LMO2: variants seen among roughly 807,000 people sequenced by gnomAD.
LMO2 encodes LIM domain only 2.
A neutral mutation model predicts 23.2 loss-of-function variants in LMO2; 20 were observed. The observed-to-expected ratio is 0.86, with a 90% CI of 0.61 to 1.25. LMO2 has a LOEUF of 1.25. Among genes scored for constraint, LMO2 ranks in the 50% most tolerant of loss-of-function variants. The probability of loss-of-function intolerance (pLI) is 0.00; values close to 1 mark genes in which losing one functional copy is unlikely to be tolerated. For synonymous variants in LMO2, 123 were observed against 130.2 expected, an observed-to-expected ratio of 0.94 and a Z score of 0.38; for missense variants, 270 against 315.3, an observed-to-expected ratio of 0.86 and a Z score of 1.09.
At chr11:33,890,590 G>T in intron 1 of LMO2, among the ~76,000 whole-genome samples, 1 of 152,172 alleles carries the variant, frequency 6.6e-6, no homozygotes, top group African/African-American at 2.4e-5. Context: ...GACCTCAGGC[G>T]ATCTGCCTGC....
chr11:33,888,957 A>C (rs1262398051), intron 1 of LMO2, among the ~76,000 whole-genome samples: 1 of 152,248 alleles, frequency 6.6e-6, no homozygotes, highest in Non-Finnish European at 1.5e-5. Flanking sequence ...CAGGCAGGAC[A>C]GCTAGTAGTC....
rs1283132509 is a variant in LMO2, at chr11:33,869,756, G to A, written c.-40C>T. On this transcript the variant is annotated 5_prime_UTR_variant, in exon 3 of 6. Transcript: ENST00000257818. ...CGCCACCGCCCGGTCCCTCTCGCGC[G>A]CTGTCGCCGGCTCCGCGCCGCCCGC... is the stretch of plus-strand genomic sequence containing the variant. 3.3e-6 allele frequency: 4 copies of A among 1,216,724 alleles called. No individual in the cohort carries two copies. The highest frequency in any genetic ancestry group is 2.8e-5 in the South Asian group (1 of 35,530). The allele number at this position is 1,216,724 out of a possible 1,614,324, so 75.4% of individuals were successfully genotyped here. A position where few individuals can be genotyped will look rare whatever the true frequency, so the allele number is the denominator to read the frequency against.
Position 33,864,452 on chromosome 11 carries a change from G to T in LMO2, c.464+150C>A. 1 of 625,574 alleles carries T rather than the reference G, an allele frequency of 1.6e-6. No homozygotes were observed. Among genetic ancestry groups the T allele is most frequent in the Non-Finnish European group, 2.8e-6 (1 of 358,792 alleles). The allele number at this position is 625,574 out of a possible 1,614,324, so 38.8% of individuals were successfully genotyped here. ...AAATGCCCTCTGCTTCTCAGCACAG[G>T]AGCTGAGACTCAGCCTCTGCAGTCT... On this transcript the variant is annotated intron_variant, in intron 5 of 5. Coordinates refer to ENST00000257818, the MANE Select transcript of LMO2 (RefSeq NM_005574.4). This position sits in a 1 kb window ranked among gnomAD's most constrained non-coding sequence, Gnocchi z 4.8.
chr11:33,874,965 T>TC (rs1857102069), intron 2 of LMO2, among the ~76,000 whole-genome samples: 1 of 152,228 alleles, frequency 6.6e-6, no homozygotes, highest in East Asian at 1.9e-4. Flanking sequence ...TCATAGTGTG[T>TC]CCTAGTGGAA....
At chr11:33,870,976 G>A (rs1033108836) in intron 2 of LMO2, 2 of 770,950 alleles carry the variant, frequency 2.6e-6, no homozygotes, top group African/African-American at 3.8e-5. Context: ...AAATATCTGC[G>A]TTCAGAAGCT....
chr11:33,871,718 G>A (rs1215564375), intron 2 of LMO2, among the ~76,000 whole-genome samples: 2 of 151,394 alleles, frequency 1.3e-5, no homozygotes, highest in African/African-American at 2.4e-5. Context: ...TAACAGAAAT[G>A]AAAATAAATA....
intron 2 of LMO2, among the ~76,000 whole-genome samples, chr11:33,872,602 C>G (rs1279355497): frequency 6.6e-6 from 1 of 152,160 alleles, no homozygotes; most frequent in African/African-American, 2.4e-5. Flanking sequence ...ATTGCCCACC[C>G]AAATTTGGAA....
chr11:33,877,525 C>T (rs1048206099), intron 2 of LMO2, among the ~76,000 whole-genome samples: 2 of 131,240 alleles, frequency 1.5e-5, no homozygotes. Context: ...AGTGCGGTGG[C>T]GTGATCTCAG....
chr11:33,869,718 C>T lies in LMO2; in HGVS notation c.-2G>A. On this transcript the variant is annotated 5_prime_UTR_variant, in exon 3 of 6. Transcript: ENST00000257818. ...GCTGCTCAGGACTTAACCTTCCATC[C>T]CGGTCCCGCCGCCGCCACCGCCCGG... is the stretch of plus-strand genomic sequence containing the variant. 7.7e-7 allele frequency: 1 copy of T among 1,290,524 alleles called. No individual in the cohort carries two copies. Among genetic ancestry groups the T allele is most frequent in the Non-Finnish European group, 1.0e-6 (1 of 999,994 alleles). 79.9% of individuals were successfully genotyped at this position (1,290,524 alleles called of 1,614,324 possible).
Position 33,864,409 on chromosome 11 carries a change from T to G in LMO2, c.464+193A>C, listed in dbSNP as rs536668554. ...ACATAGGAACGTAACCCTGAGAACATGCTTCTCAAACAGGAAGAAATGCCC... is the reference window on the plus strand; with the variant it reads ...ACATAGGAACGTAACCCTGAGAACAGGCTTCTCAAACAGGAAGAAATGCCC... On this transcript the variant is annotated intron_variant, in intron 5 of 5. Coordinates refer to ENST00000257818, the MANE Select transcript of LMO2 (RefSeq NM_005574.4). The surrounding 1 kb of genome is among the most constrained non-coding windows in gnomAD (Gnocchi z 4.8). 6.6e-6 allele frequency among the ~76,000 whole-genome samples: 1 copy of G among 152,190 alleles called. No homozygotes were observed. Among genetic ancestry groups the G allele is most frequent in the African/African-American group, 2.4e-5 (1 of 41,454 alleles).
intron 2 of LMO2, among the ~76,000 whole-genome samples, chr11:33,875,883 G>A (rs909284762): frequency 6.6e-6 from 1 of 152,186 alleles, no homozygotes; most frequent in East Asian, 1.9e-4. Context: ...CAGTGCCTGG[G>A]ACCCCGGCAC....
rs1388562263 is a variant in LMO2, at chr11:33,880,276, G to GAT, written c.-272+1546_-272+1547dup. On this transcript the variant is annotated intron_variant, in intron 2 of 5. Transcript: ENST00000257818. The surrounding 1 kb of genome is among the most constrained non-coding windows in gnomAD (Gnocchi z 4.3). Reference sequence around the variant, plus strand: ...TGATATATATATCATACATACACATGATATATATCATATATATCATATATA... The same window carrying GAT: ...TGATATATATATCATACATACACATGATATATATATCATATATATCATATATA... Among the ~76,000 whole-genome samples, 4,475 of 111,168 alleles carry GAT rather than the reference G, an allele frequency of 0.04. 590 individuals are homozygous for GAT. Among genetic ancestry groups the GAT allele is most frequent in the East Asian group, 0.13 (445 of 3,340 alleles). The allele number at this position is 111,168 out of a possible 152,430, so 72.9% of individuals were successfully genotyped here.
chr11:33,886,301 C>T (rs1857405235), intron 1 of LMO2, among the ~76,000 whole-genome samples: 1 of 152,234 alleles, frequency 6.6e-6, no homozygotes, highest in South Asian at 2.1e-4. Flanking sequence ...GAGGACACCA[C>T]ATGCGCTGGG....
At chr11:33,884,968 C>T (rs1857371941) in intron 1 of LMO2, among the ~76,000 whole-genome samples, 1 of 152,124 alleles carries the variant, frequency 6.6e-6, no homozygotes, top group Non-Finnish European at 1.5e-5. Flanking sequence ...TGCTAGTTTT[C>T]CTGGTGTGAT....
chr11:33,878,737 A>C (rs2133709141), intron 2 of LMO2, among the ~76,000 whole-genome samples: 1 of 152,220 alleles, frequency 6.6e-6, no homozygotes, highest in South Asian at 2.1e-4. Context: ...TCCCTTTCTG[A>C]GTTCTTATAG....
At chr11:33,881,209 A>G in intron 2 of LMO2, 1 of 456,644 alleles carries the variant, frequency 2.2e-6, no homozygotes, top group Non-Finnish European at 4.4e-6. Context: ...GGGCCTGCTG[A>G]CTCCTCTCAC....
intron 2 of LMO2, chr11:33,870,485 C>T (rs934820169): frequency 4.1e-6 from 4 of 978,782 alleles, no homozygotes; most frequent in Non-Finnish European, 4.9e-6. Context: ...AGGCTGCGGG[C>T]TCCGGGCTGC....
At chr11:33,859,631 C>G (rs1856495242) in intron 5 of LMO2, 56 bp from the exon 6 acceptor site, 1 of 1,541,230 alleles carries the variant, frequency 6.5e-7, no homozygotes, top group East Asian at 2.3e-5. Context: ...TCCTGGAAGA[C>G]AGGGCTCGGG....
intron 4 of LMO2, 42 bp downstream of exon 4, chr11:33,869,304 C>T (rs892569360): frequency 8.9e-7 from 1 of 1,120,926 alleles, no homozygotes; most frequent in African/African-American, 1.7e-5. Context: ...GACGCGAGGC[C>T]GTGGACACCG....
Sources: allele counts gnomAD v4.1 joint callset (sites outside exome capture counted in the v4.1 genomes callset), GRCh38; gene constraint gnomAD v4.1.1; non-coding constraint Gnocchi (gnomAD v3.1); transcripts MANE v1.5; gene names NCBI Gene and HGNC (gene_info 2026-07-23, HGNC 2026-07-21).